Variants in RBMS3 observed in about 807,000 individuals in gnomAD.
RBMS3 encodes RNA binding motif single stranded interacting protein 3, also known as RNA-binding motif, single-stranded-interacting protein 3.
In RBMS3, 27 loss-of-function variants were observed where a neutral mutation model predicts 66.8. The ratio of observed to expected loss-of-function variants is 0.40; its 90% CI spans 0.30 to 0.56. RBMS3 has a LOEUF of 0.56. RBMS3 is among the 20% of genes least tolerant of loss of function. The pLI, the probability that RBMS3 is intolerant of heterozygous loss-of-function variation, is 0.40. For synonymous variants in RBMS3, 188 were observed against 183.0 expected (o/e 1.03, Z -0.22); for missense variants, 513 against 549.5 (o/e 0.93, Z 0.66).
chr3:29,341,189 T>C (rs2036261463), intron 1 of RBMS3, among the ~76,000 whole-genome samples: 1 of 152,126 alleles, frequency 6.6e-6, no homozygotes, highest in South Asian at 2.1e-4. Flanking sequence ...TATGCAGATA[T>C]AAATAAATGA....
intron 10 of RBMS3, among the ~76,000 whole-genome samples, chr3:29,928,725 C>A (rs1357978139): frequency 1.3e-5 from 2 of 152,048 alleles, no homozygotes; most frequent in African/African-American, 4.8e-5. Context: ...TATGAATGAA[C>A]CAGACTACTG....
At chr3:29,506,649 A>C (rs931464345) in intron 3 of RBMS3, among the ~76,000 whole-genome samples, 4 of 151,960 alleles carry the variant, frequency 2.6e-5, no homozygotes, top group African/African-American at 9.7e-5. Flanking sequence ...TTGTTTGAAA[A>C]GTATTAGTAT....
chr3:29,755,557 G>A (rs1351888457), intron 5 of RBMS3, among the ~76,000 whole-genome samples: 1 of 152,210 alleles, frequency 6.6e-6, no homozygotes, highest in Non-Finnish European at 1.5e-5. Flanking sequence ...GATGTTCCCA[G>A]AGAGGAGCAA....
intron 3 of RBMS3, among the ~76,000 whole-genome samples, chr3:29,586,752 G>C (rs1468309622): frequency 6.6e-6 from 1 of 152,074 alleles, no homozygotes; most frequent in Non-Finnish European, 1.5e-5. Flanking sequence ...ACTTTAGGGA[G>C]AGAATTTTCT....
At chr3:29,717,869 A>T (rs2053469166) in intron 4 of RBMS3, among the ~76,000 whole-genome samples, 2 of 152,120 alleles carry the variant, frequency 1.3e-5, no homozygotes, top group Non-Finnish European at 2.9e-5. Flanking sequence ...CTGCATCCTT[A>T]ACATCAGATT....
chr3:29,385,693 C>T (rs1031193776), intron 1 of RBMS3, among the ~76,000 whole-genome samples: 2 of 152,104 alleles, frequency 1.3e-5, no homozygotes, highest in African/African-American at 2.4e-5. Context: ...GCACCGTGGC[C>T]TCTCCATTCT....
At chr3:29,950,523 G>T (rs1023813396) in intron 12 of RBMS3, among the ~76,000 whole-genome samples, 2 of 151,864 alleles carry the variant, frequency 1.3e-5, no homozygotes, top group Non-Finnish European at 2.9e-5. Flanking sequence ...GCGCCTGTCA[G>T]AGAATATAGT....
At chr3:29,431,968 T>C (rs2041225090) in intron 1 of RBMS3, among the ~76,000 whole-genome samples, 1 of 152,074 alleles carries the variant, frequency 6.6e-6, no homozygotes, top group Non-Finnish European at 1.5e-5. Flanking sequence ...GCTCAAGCAG[T>C]CCACCCATCT....
chr3:29,456,199 A>T (rs895242071), intron 2 of RBMS3, among the ~76,000 whole-genome samples: 3 of 152,196 alleles, frequency 2.0e-5, no homozygotes, highest in African/African-American at 7.2e-5. Context: ...TAATTAAAAA[A>T]TTTTATTTGA....
At position 29,587,148 on chromosome 3, in the gene RBMS3, C is replaced by T. The variant is rs3773104; in HGVS notation, c.342C>T (p.Ala114=). 0.042 allele frequency: 67,328 copies of T among 1,607,238 alleles called. 3,773 individuals carry two copies. The highest frequency in any genetic ancestry group is 0.29 in the East Asian group (12,825 of 44,042). ...TTGTAGATTTTGACAGTCCTGCAGCCGCACAGAAAGCGGTAGCATCTCTCA... is the reference window on the plus strand; with the variant it reads ...TTGTAGATTTTGACAGTCCTGCAGCTGCACAGAAAGCGGTAGCATCTCTCA... ...YGFVDFDSPA[A]AQKAVASLKA... is the part of the protein sequence containing the mutation. The change falls in exon 4 of 15, where the codon GCC becomes GCT. Residue 114 remains alanine, a synonymous_variant. Coordinates refer to ENST00000383767, the MANE Select transcript of RBMS3 (RefSeq NM_001003793.3).
At chr3:29,372,419 A>G (rs541265940) in intron 1 of RBMS3, among the ~76,000 whole-genome samples, 1 of 152,288 alleles carries the variant, frequency 6.6e-6, no homozygotes, top group East Asian at 1.9e-4. Context: ...TTTTATAATG[A>G]GATAAGCTAA....
At chr3:29,332,231 G>T (rs188647286) in intron 1 of RBMS3, among the ~76,000 whole-genome samples, 8 of 151,922 alleles carry the variant, frequency 5.3e-5, no homozygotes, top group African/African-American at 1.9e-4. Flanking sequence ...AGTGAATATC[G>T]GAATATCAGG....
At chr3:29,891,355 T>A (rs1318632913) in intron 8 of RBMS3, among the ~76,000 whole-genome samples, 1 of 151,564 alleles carries the variant, frequency 6.6e-6, no homozygotes, top group Non-Finnish European at 1.5e-5. Context: ...TAGATCAATA[T>A]CACTTTTCTC....
intron 1 of RBMS3, among the ~76,000 whole-genome samples, chr3:29,350,563 C>G (rs181563127): frequency 6.6e-6 from 1 of 152,206 alleles, no homozygotes; most frequent in Non-Finnish European, 1.5e-5. Flanking sequence ...CTATAGTAGA[C>G]AGTACAGGGG....
At chr3:29,572,477 G>A (rs926464231) in intron 3 of RBMS3, among the ~76,000 whole-genome samples, 2 of 152,084 alleles carry the variant, frequency 1.3e-5, no homozygotes, top group African/African-American at 4.8e-5. Flanking sequence ...TTATTATGAA[G>A]AGATGTTCAA....
chr3:29,719,575 A>AAAC (rs2053552594), intron 4 of RBMS3, among the ~76,000 whole-genome samples: 2 of 152,146 alleles, frequency 1.3e-5, no homozygotes, highest in Admixed American at 1.3e-4. Context: ...GATGAGTCAG[A>AAAC]TTGCAAAACT....
At chr3:29,348,484 T>A (rs1222244847) in intron 1 of RBMS3, among the ~76,000 whole-genome samples, 1 of 152,056 alleles carries the variant, frequency 6.6e-6, no homozygotes, top group African/African-American at 2.4e-5. Flanking sequence ...TTAATTTATG[T>A]ATTTCATCAA....
intron 1 of RBMS3, among the ~76,000 whole-genome samples, chr3:29,308,541 G>T (rs1422837523): frequency 6.6e-6 from 1 of 151,566 alleles, no homozygotes; most frequent in Non-Finnish European, 1.5e-5. Context: ...ATTTGATATA[G>T]GAACCTGCCA....
intron 10 of RBMS3, 23 bp downstream of exon 10, chr3:29,899,778 G>T: frequency 6.2e-7 from 1 of 1,604,306 alleles, no homozygotes; most frequent in Non-Finnish European, 8.5e-7. Flanking sequence ...AGTCACCTGA[G>T]GCTAATATTT....
Sources: allele counts gnomAD v4.1 joint callset (sites outside exome capture counted in the v4.1 genomes callset), GRCh38; gene constraint gnomAD v4.1.1; transcripts MANE v1.5; gene names NCBI Gene and HGNC (gene_info 2026-07-23, HGNC 2026-07-21).